The following WLS variants were observed in gnomAD, a reference collection of about 807,000 sequenced individuals.
WLS encodes protein wntless homolog.
In WLS, 23 loss-of-function variants were observed where a neutral mutation model predicts 62.8. The observed-to-expected ratio is 0.37, with a 90% CI of 0.26 to 0.52. WLS has a LOEUF of 0.52. Among genes scored for constraint, WLS ranks in the 20% least tolerant of loss-of-function variants. The pLI is 0.92. For synonymous variants in WLS, 246 were observed against 244.1 expected, an observed-to-expected ratio of 1.01 and a Z score of -0.07; for missense variants, 615 against 697.3, an observed-to-expected ratio of 0.88 and a Z score of 1.33.
chr1:68,229,146 C>G, intron 1 of WLS, among the ~76,000 whole-genome samples: 1 of 152,120 alleles, frequency 6.6e-6, no homozygotes, highest in Non-Finnish European at 1.5e-5. Context: ...GAGCCTGAAG[C>G]CTGCTAGTTA....
At chr1:68,098,473 C>T (rs2100277676) in exon 12 of WLS, 1 of 1,168,916 alleles carries the variant, frequency 8.6e-7, no homozygotes, top group Non-Finnish European at 1.2e-6. Flanking sequence ...AGAAGTAAGA[C>T]AATACTCAAA....
At chr1:68,109,217 G>A (rs1228096297) in intron 11 of WLS, among the ~76,000 whole-genome samples, 1 of 152,200 alleles carries the variant, frequency 6.6e-6, no homozygotes, top group Non-Finnish European at 1.5e-5. Flanking sequence ...TAAGCCTAGG[G>A]TCCCAGCAGT....
At chr1:68,207,413 C>A (rs967107104) in intron 1 of WLS, among the ~76,000 whole-genome samples, 2 of 152,190 alleles carry the variant, frequency 1.3e-5, no homozygotes, top group South Asian at 2.1e-4. Context: ...GCATACACTT[C>A]TAAGCCAAGA....
chr1:68,148,558 C>T lies in WLS; in HGVS notation c.1070+5G>A. The T allele has an allele frequency of 6.2e-7, 1 of 1,613,772 alleles. No homozygotes were observed. Among genetic ancestry groups the T allele is most frequent in the Non-Finnish European group, 8.5e-7 (1 of 1,179,860 alleles). ...TGGCTCAGTGTCCCACAAACACTTGCTCACCTCTCACACATGTCAAATATG... is the reference window on the plus strand; with the variant it reads ...TGGCTCAGTGTCCCACAAACACTTGTTCACCTCTCACACATGTCAAATATG... On this transcript the variant is annotated splice_donor_5th_base_variant and intron_variant, in intron 7 of 11. Coordinates refer to ENST00000262348, the MANE Select transcript of WLS (RefSeq NM_024911.7).
intron 11 of WLS, among the ~76,000 whole-genome samples, chr1:68,128,682 C>T (rs2566777): frequency 0.96 from 145,963 of 152,328 alleles, 70,158 homozygotes; most frequent in South Asian, 1. Context: ...CCAAAATTGC[C>T]TTGGCTTCTT....
chr1:68,099,273 G>A (rs1646047485), intron 11 of WLS, among the ~76,000 whole-genome samples: 1 of 152,070 alleles, frequency 6.6e-6, no homozygotes, highest in African/African-American at 2.4e-5. Flanking sequence ...GATATACTCA[G>A]AGACAGGAAA....
intron 1 of WLS, among the ~76,000 whole-genome samples, chr1:68,209,859 A>T (rs1296020983): frequency 6.6e-6 from 1 of 152,118 alleles, no homozygotes; most frequent in East Asian, 1.9e-4. Context: ...AATTAAAATA[A>T]CTCATCCAAG....
intron 11 of WLS, among the ~76,000 whole-genome samples, chr1:68,135,532 T>C (rs1468566590): frequency 1.3e-5 from 2 of 152,084 alleles, no homozygotes; most frequent in Non-Finnish European, 2.9e-5. Context: ...GGTTAAGTGT[T>C]TTGCCAACAG....
intron 11 of WLS, among the ~76,000 whole-genome samples, chr1:68,099,420 A>G (rs1365667325): frequency 6.6e-6 from 1 of 152,170 alleles, no homozygotes; most frequent in East Asian, 1.9e-4. Flanking sequence ...TGTCAATTTA[A>G]AGAGGAATAC....
chr1:68,175,097 C>T (rs1051917109), intron 2 of WLS, among the ~76,000 whole-genome samples: 1 of 152,206 alleles, frequency 6.6e-6, no homozygotes, highest in Non-Finnish European at 1.5e-5. Flanking sequence ...GGCCTGTTCT[C>T]CCTCCAAAGT....
intron 11 of WLS, among the ~76,000 whole-genome samples, chr1:68,129,902 G>A (rs1646493530): frequency 6.6e-6 from 1 of 152,216 alleles, no homozygotes; most frequent in African/African-American, 2.4e-5. Flanking sequence ...GCTTTAGTTT[G>A]CAGTAAATTT....
At chr1:68,156,531 A>T (rs1646901980) in intron 3 of WLS, among the ~76,000 whole-genome samples, 1 of 152,118 alleles carries the variant, frequency 6.6e-6, no homozygotes, top group African/African-American at 2.4e-5. Context: ...AGAGACAGAG[A>T]CACACACGGC....
At chr1:68,182,200 G>A (rs1416646590) in intron 2 of WLS, among the ~76,000 whole-genome samples, 5 of 152,184 alleles carry the variant, frequency 3.3e-5, no homozygotes, top group African/African-American at 1.2e-4. Context: ...GAGCCCTACT[G>A]TTTCTGAATT....
chr1:68,224,641 C>T (rs1315134169), intron 1 of WLS, among the ~76,000 whole-genome samples: 1 of 152,184 alleles, frequency 6.6e-6, no homozygotes, highest in Admixed American at 6.5e-5. Flanking sequence ...CCAATATTTA[C>T]AATGGCTGGT....
chr1:68,141,453 A>G (rs1646685186), intron 10 of WLS: 1 of 152,200 alleles, frequency 6.6e-6, no homozygotes, highest in South Asian at 2.1e-4. Flanking sequence ...CCAGACTGCG[A>G]TGTACCATCT....
intron 1 of WLS, among the ~76,000 whole-genome samples, chr1:68,226,693 T>A (rs1328501250): frequency 6.6e-6 from 1 of 152,140 alleles, no homozygotes; most frequent in Non-Finnish European, 1.5e-5. Context: ...GCTCCATGTC[T>A]CCTCTTTACC....
At chr1:68,202,102 C>T (rs1649050799) in intron 1 of WLS, 2 of 152,288 alleles carry the variant, frequency 1.3e-5, no homozygotes, top group South Asian at 4.1e-4. Context: ...ACTTGGCTTA[C>T]ATTACTTGCC....
intron 1 of WLS, among the ~76,000 whole-genome samples, chr1:68,220,208 G>A (rs1649887222): frequency 6.6e-6 from 1 of 152,142 alleles, no homozygotes; most frequent in Non-Finnish European, 1.5e-5. Context: ...TGCCTAATAG[G>A]AAGGCTATCA....
At chr1:68,202,056 C>T (rs1418363085) in intron 1 of WLS, 3 of 152,202 alleles carry the variant, frequency 2.0e-5, no homozygotes, top group Non-Finnish European at 4.4e-5. Context: ...AAGAATTACT[C>T]TATATTTGTC....
Sources: gnomAD v4.1 joint callset for allele counts (sites outside exome capture counted in the v4.1 genomes callset) on GRCh38, gnomAD v4.1.1 for gene constraint, MANE v1.5 for transcripts, NCBI Gene and HGNC (gene_info 2026-07-23, HGNC 2026-07-21) for gene names.